ADCY10: variants seen among roughly 807,000 people sequenced by gnomAD.
ADCY10 encodes adenylate cyclase type 10.
In ADCY10, 156 loss-of-function variants were observed where a neutral mutation model predicts 183.3. The ratio of observed to expected loss-of-function variants is 0.85; its 90% CI spans 0.75 to 0.97. The LOEUF is 0.97. Among genes scored for constraint, ADCY10 ranks in the 50% least tolerant of loss-of-function variants. ADCY10 has a pLI of 0.00. For synonymous variants in ADCY10, 645 were observed against 670.0 expected, an observed-to-expected ratio of 0.96 and a Z score of 0.58; for missense variants, 1,745 against 1,934.3, an observed-to-expected ratio of 0.90 and a Z score of 1.84.
At chr1:167,811,005 C>T in intron 31 of ADCY10, 92 bp from the exon 32 acceptor site, 1 of 1,245,248 alleles carries the variant, frequency 8.0e-7, no homozygotes, top group Non-Finnish European at 1.2e-6. Context: ...GGGAACATTT[C>T]AAGGATTTAA....
chr1:167,861,410 C>T (rs1013914819), intron 14 of ADCY10, among the ~76,000 whole-genome samples: 1 of 152,216 alleles, frequency 6.6e-6, no homozygotes, highest in African/African-American at 2.4e-5. Context: ...ACACACAAGA[C>T]TTTCCAAAGC....
At chr1:167,834,271 C>T (rs1664022675) in intron 23 of ADCY10, among the ~76,000 whole-genome samples, 194 bp from the exon 24 acceptor site, 1 of 152,220 alleles carries the variant, frequency 6.6e-6, no homozygotes, top group Admixed American at 6.5e-5. Context: ...AAAGATCTCA[C>T]CTTCATGCTT....
intron 6 of ADCY10, among the ~76,000 whole-genome samples, chr1:167,899,164 CA>C (rs1669214034): frequency 6.6e-6 from 1 of 152,188 alleles, no homozygotes; most frequent in Admixed American, 6.5e-5. Context: ...GCTAGCCCCT[CA>C]AAAGGCCTCA....
intron 25 of ADCY10, among the ~76,000 whole-genome samples, chr1:167,830,170 C>T (rs34423320): frequency 0.066 from 9,972 of 152,166 alleles, 413 homozygotes; most frequent in Middle Eastern, 0.15. Flanking sequence ...ATTGACTATT[C>T]CCCTAGCTGC....
chr1:167,888,135 A>G (rs180804011), intron 8 of ADCY10, among the ~76,000 whole-genome samples: 63 of 152,262 alleles, frequency 4.1e-4, no homozygotes, highest in African/African-American at 1.1e-3. Flanking sequence ...CCACTGGTCT[A>G]TGTGTCTGTT....
chr1:167,883,647 C>T lies in ADCY10; in HGVS notation c.829-19G>A. 1 of 1,613,998 alleles carries T rather than the reference C, an allele frequency of 6.2e-7. No individual in the cohort carries two copies. The highest frequency in any genetic ancestry group is 8.5e-7 in the Non-Finnish European group (1 of 1,179,884). On this transcript the variant is annotated intron_variant, in intron 8 of 32. Coordinates refer to ENST00000367851, the MANE Select transcript of ADCY10 (RefSeq NM_018417.6). The stretch of plus-strand genomic sequence containing the variant: ...TATCAATCTGCAAAGTAGAGAGCAG[C>T]TTTCTGTAGGTGTCCTTGGCAGTGG...
chr1:167,865,238 T>C (rs1310649320), intron 14 of ADCY10, among the ~76,000 whole-genome samples: 1 of 152,176 alleles, frequency 6.6e-6, no homozygotes, highest in Non-Finnish European at 1.5e-5. Context: ...CATTAAAAGG[T>C]TAAAAAAATT....
chr1:167,908,021 A>G (rs1050775046), intron 1 of ADCY10, among the ~76,000 whole-genome samples: 4 of 152,210 alleles, frequency 2.6e-5, no homozygotes, highest in African/African-American at 9.6e-5. Flanking sequence ...TAAAAAATTA[A>G]AAATAGAACT....
intron 8 of ADCY10, among the ~76,000 whole-genome samples, chr1:167,885,711 G>A (rs927541598): frequency 1.3e-5 from 2 of 152,100 alleles, no homozygotes; most frequent in Non-Finnish European, 2.9e-5. Context: ...CGCCTCCTGG[G>A]TTCAAGTGAT....
At chr1:167,847,190 G>A (rs556961299) in intron 19 of ADCY10, among the ~76,000 whole-genome samples, 22 of 151,858 alleles carry the variant, frequency 1.4e-4, no homozygotes, top group Non-Finnish European at 3.1e-4. Context: ...GCCTCCCAAA[G>A]TGCTGGGATT....
chr1:167,834,088 C>G lies in ADCY10; in HGVS notation c.3310-11G>C. 1 of 1,599,868 alleles carries G rather than the reference C, an allele frequency of 6.3e-7. No homozygotes were observed. The highest frequency in any genetic ancestry group is 8.6e-7 in the Non-Finnish European group (1 of 1,167,272). ...CAAATACATGTATGCCTGTAACCAGCCCAAGGAGTAGAAAAGTGTTGATTC... is the reference window on the plus strand; with the variant it reads ...CAAATACATGTATGCCTGTAACCAGGCCAAGGAGTAGAAAAGTGTTGATTC... On this transcript the variant is annotated splice_polypyrimidine_tract_variant and intron_variant, in intron 23 of 32. Coordinates refer to ENST00000367851, the MANE Select transcript of ADCY10 (RefSeq NM_018417.6).
intron 8 of ADCY10, among the ~76,000 whole-genome samples, chr1:167,886,697 A>T (rs10918794): frequency 6.6e-6 from 1 of 152,044 alleles, no homozygotes; most frequent in Non-Finnish European, 1.5e-5. Context: ...ATTGACAAAC[A>T]GGATCCAATT....
chr1:167,830,739 T>G (rs982887355), intron 25 of ADCY10, among the ~76,000 whole-genome samples: 2 of 152,176 alleles, frequency 1.3e-5, no homozygotes, highest in African/African-American at 2.4e-5. Flanking sequence ...GGAAAATATC[T>G]TGGGCCCCCA....
intron 13 of ADCY10, among the ~76,000 whole-genome samples, chr1:167,872,623 C>A (rs1667184503): frequency 6.6e-6 from 1 of 151,640 alleles, no homozygotes; most frequent in Non-Finnish European, 1.5e-5. Flanking sequence ...GTTGCAATTT[C>A]ATTTATAGCA....
Position 167,835,948 on chromosome 1 carries a change from A to G in ADCY10, c.3309+361T>C, listed in dbSNP as rs538366092. ...AGACCTACAGGTATTTTGTGCTCAC[A>G]GGTATTTTAGGCTTAACAGAGGGTA... On this transcript the variant is annotated intron_variant, in intron 23 of 32. Coordinates refer to ENST00000367851, the MANE Select transcript of ADCY10 (RefSeq NM_018417.6). Among the ~76,000 whole-genome samples the G allele has an allele frequency of 2.2e-4, 33 of 152,278 alleles. No individual in the cohort carries two copies. In the South Asian group the frequency reaches 6.8e-3, roughly 32 times the overall value.
chr1:167,820,294 T>A, intron 30 of ADCY10: 1 of 1,299,034 alleles, frequency 7.7e-7, no homozygotes, highest in Non-Finnish European at 1.0e-6. Context: ...GCCGGCCGCC[T>A]AGCCAAGTCT....
At chr1:167,840,367 A>ATTT (rs546653110) in intron 21 of ADCY10, among the ~76,000 whole-genome samples, 2 of 147,434 alleles carry the variant, frequency 1.4e-5, no homozygotes, top group Admixed American at 6.7e-5. Context: ...TATTATTACT[A>ATTT]TTTTTTTTGG....
chr1:167,893,870 C>A lies in ADCY10; in HGVS notation c.811G>T (p.Glu271Ter). Reference sequence around the variant, plus strand: ...GAAAATACCTGCTTCAAAATGCTTTCCATCACATACTTTTGTAGGGACATC... The same window carrying A: ...GAAAATACCTGCTTCAAAATGCTTTACATCACATACTTTTGTAGGGACATC... ...LEMSLQKYVM[E>*]SILKQIDNKQ... Residue 271 changes from glutamate to a stop codon, truncating the protein, a stop_gained, in exon 8 of 33, where the codon GAA becomes TAA. Coordinates refer to ENST00000367851, the MANE Select transcript of ADCY10 (RefSeq NM_018417.6). LOFTEE classifies it high-confidence loss of function. The A allele has an allele frequency of 4.3e-6, 7 of 1,612,538 alleles. No individual in the cohort carries two copies. Among genetic ancestry groups the A allele is most frequent in the Non-Finnish European group, 5.1e-6 (6 of 1,179,134 alleles).
chr1:167,869,823 C>A (rs1380827619), intron 14 of ADCY10, among the ~76,000 whole-genome samples: 1 of 151,986 alleles, frequency 6.6e-6, no homozygotes, highest in East Asian at 1.9e-4. Flanking sequence ...CGCTAGCCTG[C>A]CGATTCTCCC....
Sources: allele counts gnomAD v4.1 joint callset (sites outside exome capture counted in the v4.1 genomes callset), GRCh38; gene constraint gnomAD v4.1.1; transcripts MANE v1.5; gene names NCBI Gene and HGNC (gene_info 2026-07-23, HGNC 2026-07-21).